Variants in SLC22A3 observed in about 807,000 individuals in gnomAD.
SLC22A3 encodes the protein solute carrier family 22 member 3, also known as EMT organic cation transporter 3.
SLC22A3 carries 51 observed loss-of-function variants against 59.1 expected under a neutral mutation model. That is an observed-to-expected ratio of 0.86 (90% CI 0.69 to 1.09). SLC22A3 has a LOEUF of 1.09. Among genes scored for constraint, SLC22A3 ranks in the 50% least tolerant of loss-of-function variants. The pLI is 0.00. For missense variants in SLC22A3, 711 were observed against 726.3 expected, an observed-to-expected ratio of 0.98 and a Z score of 0.24; for synonymous variants, 325 against 292.0, an observed-to-expected ratio of 1.11 and a Z score of -1.15.
At chr6:160,353,002 G>C (rs1045793387) in intron 1 of SLC22A3, among the ~76,000 whole-genome samples, 1 of 152,166 alleles carries the variant, frequency 6.6e-6, no homozygotes, top group Admixed American at 6.5e-5. Context: ...TGTATTTTTA[G>C]TAGAGACAGG....
At chr6:160,433,605 G>A (rs1788233483) in intron 5 of SLC22A3, among the ~76,000 whole-genome samples, 1 of 152,100 alleles carries the variant, frequency 6.6e-6, no homozygotes, top group African/African-American at 2.4e-5. Context: ...CTACTCAGGA[G>A]GCTGAGGTGG....
chr6:160,432,728 T>G (rs1308513776), intron 5 of SLC22A3, among the ~76,000 whole-genome samples: 2 of 152,190 alleles, frequency 1.3e-5, no homozygotes, highest in Non-Finnish European at 2.9e-5. Context: ...TATTTGTAGC[T>G]GAAAAGAAGA....
At chr6:160,362,750 C>T (rs137964079) in intron 1 of SLC22A3, among the ~76,000 whole-genome samples, 1,837 of 152,296 alleles carry the variant, frequency 0.012, 15 homozygotes, top group Admixed American at 0.018. Context: ...GTGGGTTCCC[C>T]CACGCTCCAG....
At chr6:160,377,257 G>T (rs957583914) in intron 1 of SLC22A3, among the ~76,000 whole-genome samples, 1 of 152,146 alleles carries the variant, frequency 6.6e-6, no homozygotes, top group African/African-American at 2.4e-5. Flanking sequence ...GGCTGAGGCA[G>T]GTGGATCACT....
In SLC22A3 at chr6:160,438,155, G is replaced by A. The variant is rs577951262; in HGVS notation, c.1288+944G>A. ...AGATGTTGCAGAGTTAAATTTTTCA[G>A]AGCTCCATGCCTGGTAGATGGGGTG... On this transcript the variant is annotated intron_variant, in intron 7 of 10. Coordinates refer to ENST00000275300, the MANE Select transcript of SLC22A3 (RefSeq NM_021977.4). 5.3e-5 allele frequency among the ~76,000 whole-genome samples: 8 copies of A among 152,260 alleles called. No individual in the cohort carries two copies. In the East Asian group the frequency reaches 9.7e-4, roughly 18 times the overall value.
intron 1 of SLC22A3, among the ~76,000 whole-genome samples, chr6:160,380,531 C>T (rs950953838): frequency 6.6e-6 from 1 of 152,166 alleles, no homozygotes; most frequent in Admixed American, 6.5e-5. Context: ...GAGAACATAA[C>T]TTTATCTTTA....
intron 1 of SLC22A3, among the ~76,000 whole-genome samples, chr6:160,353,406 C>T (rs1369908269): frequency 6.6e-6 from 1 of 152,130 alleles, no homozygotes; most frequent in African/African-American, 2.4e-5. Context: ...TACAAAGATA[C>T]ACGAGTCTTT....
chr6:160,408,822 G>A lies in SLC22A3; in HGVS notation c.758G>A (p.Gly253Glu). The A allele has an allele frequency of 1.2e-6, 2 of 1,613,722 alleles. No individual in the cohort carries two copies. The highest frequency in any genetic ancestry group is 1.7e-6 in the Non-Finnish European group (2 of 1,179,840). ...GTGATTCAAATGTTCTTTACCCTTG[G>A]AATCATAATTCTCCCTGGAATTGCC... is the stretch of plus-strand genomic sequence containing the variant. ...GIVIQMFFTL[G>E]IIILPGIAYF... Residue 253 changes from glycine (G) to glutamate (E), a missense_variant, in exon 4 of 11, where the codon GGA becomes GAA. By Grantham distance (98) the Gly-to-Glu change is moderately conservative (BLOSUM62 -2). Coordinates refer to ENST00000275300, the MANE Select transcript of SLC22A3 (RefSeq NM_021977.4).
chr6:160,447,259 C>T (rs532521286), intron 9 of SLC22A3, among the ~76,000 whole-genome samples: 5 of 152,254 alleles, frequency 3.3e-5, no homozygotes, highest in African/African-American at 1.2e-4. Flanking sequence ...CCCAAAGAGA[C>T]AGGCCTAGGA....
chr6:160,360,387 G>A (rs1015019710), intron 1 of SLC22A3, among the ~76,000 whole-genome samples: 2 of 152,192 alleles, frequency 1.3e-5, no homozygotes, highest in African/African-American at 4.8e-5. Context: ...GAACCCAGGA[G>A]GTGGAGGTTG....
chr6:160,403,223 C>T lies in SLC22A3; in HGVS notation c.534-3818C>T, dbSNP rs181674867. Among the ~76,000 whole-genome samples, 83 of 151,678 alleles carry T rather than the reference C, an allele frequency of 5.5e-4. No homozygotes were observed. The Middle Eastern group carries it at 0.01, about 19-fold the overall frequency. ...AGAAATAAAAGAGGGGACATTTTGA[C>T]GGATCCCATGGACATTAACAGGATA... On this transcript the variant is annotated intron_variant, in intron 2 of 10. Coordinates refer to ENST00000275300, the MANE Select transcript of SLC22A3 (RefSeq NM_021977.4).
intron 2 of SLC22A3, among the ~76,000 whole-genome samples, chr6:160,401,528 T>C (rs976018404): frequency 6.6e-6 from 1 of 151,946 alleles, no homozygotes; most frequent in Non-Finnish European, 1.5e-5. Context: ...TTGTAATAAA[T>C]GTTAAAAGAA....
chr6:160,364,252 G>A (rs932270267), intron 1 of SLC22A3, among the ~76,000 whole-genome samples: 10 of 152,212 alleles, frequency 6.6e-5, no homozygotes, highest in Non-Finnish European at 1.3e-4. Flanking sequence ...ACTCCATGTG[G>A]TAGATGGGTT....
chr6:160,359,300 T>G (rs1438877587), intron 1 of SLC22A3, among the ~76,000 whole-genome samples: 1 of 152,220 alleles, frequency 6.6e-6, no homozygotes, highest in Non-Finnish European at 1.5e-5. Context: ...GAAGTAAATT[T>G]GGGCTAAAGT....
intron 3 of SLC22A3, 122 bp downstream of exon 3, chr6:160,407,317 A>G: frequency 9.8e-7 from 1 of 1,023,096 alleles, no homozygotes; most frequent in Non-Finnish European, 1.4e-6. Context: ...CACTGCAGCT[A>G]CAGTAATTAT....
chr6:160,445,958 C>A (rs1044201402), intron 9 of SLC22A3, among the ~76,000 whole-genome samples: 4 of 152,148 alleles, frequency 2.6e-5, no homozygotes, highest in African/African-American at 9.7e-5. Flanking sequence ...AGCCACCTGG[C>A]AGTAGAGAAT....
At chr6:160,376,891 T>C (rs1785616475) in intron 1 of SLC22A3, among the ~76,000 whole-genome samples, 2 of 152,248 alleles carry the variant, frequency 1.3e-5, no homozygotes, top group South Asian at 2.1e-4. Context: ...CTATTATTAA[T>C]GTGACCTCAG....
chr6:160,413,206 T>A (rs899496266), intron 5 of SLC22A3, among the ~76,000 whole-genome samples: 1 of 152,104 alleles, frequency 6.6e-6, no homozygotes, highest in Non-Finnish European at 1.5e-5. Context: ...CTGTTACACA[T>A]CCCATGAGTG....
At chr6:160,386,142 C>T (rs1354073902) in intron 1 of SLC22A3, among the ~76,000 whole-genome samples, 1 of 152,212 alleles carries the variant, frequency 6.6e-6, no homozygotes, top group African/African-American at 2.4e-5. Context: ...TCTGCCTGTG[C>T]ACCTGTGCAC....
Sources: allele counts gnomAD v4.1 joint callset (sites outside exome capture counted in the v4.1 genomes callset), GRCh38; gene constraint gnomAD v4.1.1; transcripts MANE v1.5; gene names NCBI Gene and HGNC (gene_info 2026-07-23, HGNC 2026-07-21).